Variants in TCF7L2 observed in about 807,000 individuals in gnomAD.
TCF7L2 encodes the protein transcription factor 7 like 2, also known as transcription factor 7-like 2.
A neutral mutation model predicts 77.9 loss-of-function variants in TCF7L2; 23 were observed. That is an observed-to-expected ratio of 0.30 (90% CI 0.21 to 0.42). The LOEUF (loss-of-function observed/expected upper bound fraction) is 0.42, where lower values mean the gene tolerates loss of function less well. Ranked by LOEUF, TCF7L2 falls within the 10% of genes least tolerant of loss-of-function variation. TCF7L2 has a pLI of 1.00. For synonymous variants in TCF7L2, 413 were observed against 340.2 expected, an observed-to-expected ratio of 1.21 and a Z score of -2.36; for missense variants, 654 against 793.1, an observed-to-expected ratio of 0.82 and a Z score of 2.11.
chr10:113,073,137 A>T (rs150753588), intron 5 of TCF7L2, among the ~76,000 whole-genome samples: 82 of 74,148 alleles, frequency 1.1e-3, no homozygotes, highest in Non-Finnish European at 1.5e-3. Flanking sequence ...TGTGAGAGAG[A>T]GAGAGAGAGA....
intron 4 of TCF7L2, among the ~76,000 whole-genome samples, chr10:113,033,095 T>C (rs956310622): frequency 1.3e-5 from 2 of 152,196 alleles, no homozygotes; most frequent in Non-Finnish European, 2.9e-5. Context: ...ATGTTGGTTT[T>C]TTTTCCCCCA....
rs2136929921 is a variant in TCF7L2, at chr10:113,143,969, A to C, written c.732A>C (p.Pro244=). ...CTCCAGATATATCCCCGTATTACCC[A>C]CTATCGCCTGGCACCGTAGGACAAA... The change falls in exon 7 of 14, where the codon CCA becomes CCC. Residue 244 remains proline, a synonymous_variant. Transcript: ENST00000627217. The C allele has an allele frequency of 6.2e-7, 1 of 1,614,014 alleles. No homozygotes were observed. Among genetic ancestry groups the C allele is most frequent in the Non-Finnish European group, 8.5e-7 (1 of 1,180,004 alleles).
At chr10:113,002,638 T>C (rs1164474900) in intron 4 of TCF7L2, among the ~76,000 whole-genome samples, 1 of 152,118 alleles carries the variant, frequency 6.6e-6, no homozygotes, top group African/African-American at 2.4e-5. Flanking sequence ...GCCCCAGTCC[T>C]GGTGTTGGTT....
At chr10:113,035,328 A>T (rs1478520482) in intron 4 of TCF7L2, among the ~76,000 whole-genome samples, 1 of 152,238 alleles carries the variant, frequency 6.6e-6, no homozygotes, top group African/African-American at 2.4e-5. Context: ...CGCCCATCTG[A>T]CACAGGCAGG....
At chr10:112,962,858 C>A (rs975704798) in intron 3 of TCF7L2, among the ~76,000 whole-genome samples, 1 of 152,182 alleles carries the variant, frequency 6.6e-6, no homozygotes, top group Admixed American at 6.5e-5. Context: ...CTCAGCCCCC[C>A]AAAGTGCTGG....
chr10:113,093,305 C>G (rs537226599), intron 5 of TCF7L2, among the ~76,000 whole-genome samples: 1 of 152,288 alleles, frequency 6.6e-6, no homozygotes, highest in African/African-American at 2.4e-5. Context: ...TCCATAAGAT[C>G]ACACAGCTGA....
At chr10:113,042,090 C>T (rs776261259) in intron 5 of TCF7L2, among the ~76,000 whole-genome samples, 1 of 152,150 alleles carries the variant, frequency 6.6e-6, no homozygotes, top group Non-Finnish European at 1.5e-5. Flanking sequence ...AAAGATCCTC[C>T]ACCTCAAATC....
intron 5 of TCF7L2, among the ~76,000 whole-genome samples, chr10:113,092,031 C>T (rs2060458741): frequency 6.6e-6 from 1 of 152,150 alleles, no homozygotes; most frequent in Admixed American, 6.5e-5. Context: ...GAGCCTGGCA[C>T]ATGGTAACTC....
chr10:113,054,081 T>C (rs1369886197), intron 5 of TCF7L2, among the ~76,000 whole-genome samples: 1 of 152,206 alleles, frequency 6.6e-6, no homozygotes, highest in East Asian at 1.9e-4. Context: ...TGTCATTCTT[T>C]TGTGATGCTG....
intron 3 of TCF7L2, 112 bp from the exon 4 acceptor site, chr10:112,964,444 C>A: frequency 1.1e-6 from 1 of 889,274 alleles, no homozygotes; most frequent in African/African-American, 1.6e-5. Context: ...GATTGAATGC[C>A]AAGGCTGCAG....
chr10:112,999,505 C>T (rs2044097778), intron 4 of TCF7L2, among the ~76,000 whole-genome samples: 1 of 152,310 alleles, frequency 6.6e-6, no homozygotes, highest in Non-Finnish European at 1.5e-5. Flanking sequence ...TCTCAATTTG[C>T]TTTCTGGGAG....
intron 4 of TCF7L2, among the ~76,000 whole-genome samples, chr10:113,014,594 G>A (rs2047026071): frequency 6.6e-6 from 1 of 151,934 alleles, no homozygotes; most frequent in Admixed American, 6.6e-5. Flanking sequence ...AGGAGTTCAA[G>A]ACCAACATGG....
At position 113,097,831 on chromosome 10, in the gene TCF7L2, C is replaced by G. The variant is rs189350320; in HGVS notation, c.553-43353C>G. On this transcript the variant is annotated intron_variant, in intron 5 of 13. Coordinates refer to ENST00000627217, the MANE Select transcript of TCF7L2 (RefSeq NM_001146274.2). The stretch of plus-strand genomic sequence containing the variant: ...CTTTGGGAGGCTGAGGCAGGCGGAT[C>G]GCCTGAGGTCAGGAGTCAGAGACCA... Among the ~76,000 whole-genome samples the G allele has an allele frequency of 1.8e-3, 274 of 151,346 alleles. 1 individual carries two copies. The highest frequency in any genetic ancestry group is 6.0e-3 in the African/African-American group (249 of 41,230).
At chr10:113,095,330 C>T (rs144491325) in intron 5 of TCF7L2, among the ~76,000 whole-genome samples, 1 of 152,180 alleles carries the variant, frequency 6.6e-6, no homozygotes, top group Non-Finnish European at 1.5e-5. Context: ...CTCCTCACCC[C>T]CTCTCTACCC....
Position 113,064,104 on chromosome 10 carries a change from G to A in TCF7L2, c.552+23978G>A, listed in dbSNP as rs114666351. 2.1e-3 allele frequency among the ~76,000 whole-genome samples: 322 copies of A among 152,038 alleles called. 1 individual carries two copies. The highest frequency in any genetic ancestry group is 7.4e-3 in the African/African-American group (309 of 41,508). ...AGTCAGGTGGAGTCCCTGCCATTTT[G>A]CCTCTCATCTCCTGAAGAAGGACTG... On this transcript the variant is annotated intron_variant, in intron 5 of 13. Coordinates refer to ENST00000627217, the MANE Select transcript of TCF7L2 (RefSeq NM_001146274.2).
At chr10:113,155,916 C>G (rs911818810) in intron 11 of TCF7L2, among the ~76,000 whole-genome samples, 3 of 152,152 alleles carry the variant, frequency 2.0e-5, no homozygotes, top group Admixed American at 6.5e-5. Context: ...CATGAAGGAA[C>G]ATAGCGCGTT....
chr10:113,145,881 C>G, intron 7 of TCF7L2, 130 bp from the exon 8 acceptor site: 1 of 743,306 alleles, frequency 1.3e-6, no homozygotes. Flanking sequence ...TGTACAATCC[C>G]CAAGATTTTT....
chr10:113,091,201 C>T (rs924463162), intron 5 of TCF7L2, among the ~76,000 whole-genome samples: 4 of 152,224 alleles, frequency 2.6e-5, no homozygotes, highest in East Asian at 1.9e-4. Context: ...CGTGTCTGGC[C>T]GATAATCTCT....
Position 113,165,963 on chromosome 10 carries a change from T to C in TCF7L2, c.1800T>C (p.Ser600=), listed in dbSNP as rs200948170. 6.6e-7 allele frequency: 1 copy of C among 1,524,080 alleles called. No individual in the cohort carries two copies. The highest frequency in any genetic ancestry group is 1.4e-5 in the African/African-American group (1 of 71,914). 94.4% of individuals were successfully genotyped at this position (1,524,080 alleles called of 1,614,324 possible). A position where few individuals can be genotyped will look rare whatever the true frequency, so the allele number is the denominator to read the frequency against. Residue 600 remains serine, a synonymous_variant, in exon 14 of 14, where the codon TCT becomes TCC. Coordinates refer to ENST00000627217, the MANE Select transcript of TCF7L2 (RefSeq NM_001146274.2). The stretch of plus-strand genomic sequence containing the variant: ...AGCCGCTGTCGCTCGTCACCAAGTC[T>C]TTAGAATAGCTTTAGCGTCGTGAAC...
Sources: gnomAD v4.1 joint callset for allele counts (sites outside exome capture counted in the v4.1 genomes callset) on GRCh38, gnomAD v4.1.1 for gene constraint, MANE v1.5 for transcripts, NCBI Gene and HGNC (gene_info 2026-07-23, HGNC 2026-07-21) for gene names.